Variants in KIR2DL3 observed in about 807,000 individuals in gnomAD.
KIR2DL3 encodes the protein killer cell immunoglobulin like receptor, two Ig domains and long cytoplasmic tail 3.
A neutral mutation model predicts 33.8 loss-of-function variants in KIR2DL3; 39 were observed. The observed-to-expected ratio is 1.15, with a 90% CI of 0.89 to 1.51. The LOEUF (loss-of-function observed/expected upper bound fraction) is 1.51, where lower values mean the gene tolerates loss of function less well. Among genes scored for constraint, KIR2DL3 ranks in the 40% most tolerant of loss-of-function variants. KIR2DL3 has a pLI of 0.00. For missense variants in KIR2DL3, 462 were observed against 426.2 expected, an observed-to-expected ratio of 1.08 and a Z score of -0.74; for synonymous variants, 174 against 160.2, an observed-to-expected ratio of 1.09 and a Z score of -0.65.
intron 1 of KIR2DL3, among the ~76,000 whole-genome samples, chr19:54,739,083 G>A (rs1462598079): frequency 6.7e-6 from 1 of 150,172 alleles, no homozygotes; most frequent in Non-Finnish European, 1.5e-5. Flanking sequence ...TCTGGGCCTG[G>A]AGTGGAGATA....
chr19:54,752,842 G>C lies in KIR2DL3; in HGVS notation c.*323G>C, dbSNP rs1383786269. 1 of 475,578 alleles carries C rather than the reference G, an allele frequency of 2.1e-6. No individual in the cohort carries two copies. The highest frequency in any genetic ancestry group is 2.0e-5 in the African/African-American group (1 of 49,138). The allele number at this position is 475,578 out of a possible 1,614,324, so 29.5% of individuals were successfully genotyped here. On this transcript the variant is annotated 3_prime_UTR_variant, in exon 8 of 8. Transcript: ENST00000342376. ...TGGCTTACTTCCTAGTCTACTTGAG[G>C]CTGCAATCACACTGAGGAACTCACA...
At position 54,738,748 on chromosome 19, in the gene KIR2DL3, G is replaced by T. The variant is rs192994413; in HGVS notation, c.34+169G>T. On this transcript the variant is annotated intron_variant, in intron 1 of 7. Transcript: ENST00000342376. ...ATCTGGGCCTGGAGTGGAGATATGG[G>T]CCTGGAGGTTGAGATATGGGCCTGC... 4.1e-3 allele frequency among the ~76,000 whole-genome samples: 621 copies of T among 151,554 alleles called. 6 individuals carry two copies. The highest frequency in any genetic ancestry group is 0.014 in the African/African-American group (571 of 41,248).
At chr19:54,743,252 G>T (rs1204759379) in intron 3 of KIR2DL3, among the ~76,000 whole-genome samples, 1 of 152,026 alleles carries the variant, frequency 6.6e-6, no homozygotes, top group Non-Finnish European at 1.5e-5. Flanking sequence ...AATACATAGA[G>T]ATGATGATGA....
intron 4 of KIR2DL3, among the ~76,000 whole-genome samples, chr19:54,746,207 G>A (rs1249459649): frequency 7.5e-6 from 1 of 133,914 alleles, no homozygotes. Context: ...TTTAGTATGT[G>A]GGGAAATTTC....
intron 5 of KIR2DL3, among the ~76,000 whole-genome samples, chr19:54,747,819 C>A (rs1262959491): frequency 6.9e-6 from 1 of 145,712 alleles, no homozygotes; most frequent in African/African-American, 2.6e-5. Flanking sequence ...AGCAGAGCAA[C>A]AGCCTTGCCG....
Position 54,752,274 on chromosome 19 carries a change from T to G in KIR2DL3, c.873+6T>G. 1 of 1,485,630 alleles carries G rather than the reference T, an allele frequency of 6.7e-7. No homozygotes were observed. The highest frequency in any genetic ancestry group is 1.2e-5 in the South Asian group (1 of 81,354). The allele number at this position is 1,485,630 out of a possible 1,614,324, so 92.0% of individuals were successfully genotyped here. ...ACAGAACAGTGAACAGGGAGGTAGG[T>G]GCTCCTCGGCCCAGCCTCGTGGCTA... On this transcript the variant is annotated splice_donor_region_variant and intron_variant, in intron 7 of 7. Transcript: ENST00000342376.
At chr19:54,739,855 T>C (rs922689213) in intron 2 of KIR2DL3, among the ~76,000 whole-genome samples, 1 of 152,202 alleles carries the variant, frequency 6.6e-6, no homozygotes, top group African/African-American at 2.4e-5. Context: ...GGGGCTGCAG[T>C]GTGGCTGCTG....
At chr19:54,751,822 T>C in intron 6 of KIR2DL3, 69 bp downstream of exon 6, 1 of 1,240,990 alleles carries the variant, frequency 8.1e-7, no homozygotes, top group Non-Finnish European at 1.1e-6. Flanking sequence ...AGCACTCAGG[T>C]GTGTGTTCCT....
At chr19:54,744,885 TATATATATATATA>T (rs2072039572) in intron 4 of KIR2DL3, among the ~76,000 whole-genome samples, 1 of 58,660 alleles carries the variant, frequency 1.7e-5, no homozygotes, top group Admixed American at 1.9e-4. Flanking sequence ...TATATATATA[TATATATATATATA>T]CACACACACA....
intron 1 of KIR2DL3, among the ~76,000 whole-genome samples, chr19:54,739,123 T>A (rs1301382569): frequency 1.3e-4 from 14 of 107,588 alleles, no homozygotes; most frequent in Admixed American, 8.5e-4. Context: ...TGGGCCTGGG[T>A]GTGGAGATAT....
At chr19:54,741,666 T>C (rs1365641611) in intron 2 of KIR2DL3, among the ~76,000 whole-genome samples, 3 of 151,808 alleles carry the variant, frequency 2.0e-5, no homozygotes, top group Non-Finnish European at 4.4e-5. Context: ...ATGTGCAGCC[T>C]ATCCTGGTTC....
rs1300078367 is a variant in KIR2DL3, at chr19:54,752,991, T to C, written c.*472T>C. The C allele has an allele frequency of 5.0e-4, 96 of 190,664 alleles. 9 individuals are homozygous for C. The Admixed American group carries it at 5.3e-3, about 11-fold the overall frequency. The allele number at this position is 190,664 out of a possible 1,614,324, so 11.8% of individuals were successfully genotyped here. ...AGCCTTCTGTCAGCAGTAAAACTTA[T>C]ATATTTTTTAAAATAATTTCAATGT... On this transcript the variant is annotated 3_prime_UTR_variant, in exon 8 of 8. Coordinates refer to ENST00000342376, the MANE Select transcript of KIR2DL3 (RefSeq NM_015868.3).
intron 4 of KIR2DL3, among the ~76,000 whole-genome samples, chr19:54,745,759 T>A (rs2072381677): frequency 6.6e-6 from 1 of 151,624 alleles, no homozygotes. Context: ...CTCCTTTCTC[T>A]ACCACTTTGG....
rs762871350 is a variant in KIR2DL3 at position 54,752,523 on chromosome 19, A to G, written c.*4A>G. On this transcript the variant is annotated 3_prime_UTR_variant, in exon 8 of 8. Coordinates refer to ENST00000342376, the MANE Select transcript of KIR2DL3 (RefSeq NM_015868.3). Reference sequence around the variant, plus strand: ...ACTTCCAAATGCTGAGCCCTGATCCAAAGTTGTCTCCTGCCCATGAGCACC... The same window carrying G: ...ACTTCCAAATGCTGAGCCCTGATCCGAAGTTGTCTCCTGCCCATGAGCACC... 1 of 1,463,336 alleles carries G rather than the reference A, an allele frequency of 6.8e-7. No individual in the cohort carries two copies. Among genetic ancestry groups the G allele is most frequent in the Non-Finnish European group, 9.3e-7 (1 of 1,076,246 alleles). The allele number at this position is 1,463,336 out of a possible 1,614,324, so 90.6% of individuals were successfully genotyped here.
intron 5 of KIR2DL3, among the ~76,000 whole-genome samples, chr19:54,749,951 A>G (rs1198090486): frequency 8.3e-6 from 1 of 120,090 alleles, no homozygotes; most frequent in East Asian, 2.1e-4. Context: ...CACGAATGAC[A>G]AAGGCACCTG....
rs753278338 is a variant in KIR2DL3 at position 54,752,469 on chromosome 19, C to A, written c.976C>A (p.Pro326Thr). 6 of 1,465,930 alleles carry A rather than the reference C, an allele frequency of 4.1e-6. 1 individual carries two copies. The highest frequency in any genetic ancestry group is 1.8e-5 in the Admixed American group (1 of 54,648). The allele number at this position is 1,465,930 out of a possible 1,614,324, so 90.8% of individuals were successfully genotyped here. ...TCGCCCTTCTCAGAGGCCCAAGACA[C>A]CCCCAACAGATATCATCGTGTACAC... ...ITRPSQRPKTPPTDIIVYTEL... is the reference protein window; with the variant it reads ...ITRPSQRPKTTPTDIIVYTEL... The change falls in exon 8 of 8, where the codon CCC becomes ACC. Residue 326 changes from proline to threonine, a missense_variant. Physicochemically the swap from Pro to Thr is conservative, Grantham distance 38. Coordinates refer to ENST00000342376, the MANE Select transcript of KIR2DL3 (RefSeq NM_015868.3).
intron 3 of KIR2DL3, 135 bp from the exon 4 acceptor site, chr19:54,743,660 G>T: frequency 1.0e-6 from 1 of 986,010 alleles, no homozygotes; most frequent in Admixed American, 2.9e-5. Flanking sequence ...GACATGAAGA[G>T]AGATGGGGTG....
At chr19:54,741,542 C>T (rs551768616) in intron 2 of KIR2DL3, among the ~76,000 whole-genome samples, 8 of 152,068 alleles carry the variant, frequency 5.3e-5, no homozygotes, top group African/African-American at 1.7e-4. Context: ...CTCCCAGTCC[C>T]CACCAGGAAC....
rs574386062 is a variant in KIR2DL3 at position 54,751,391 on chromosome 19, C to T, written c.716-258C>T. ...AACACCTCTCAAGAGGCCCAACCTC[C>T]CACAGTGGGGGTGAAATTTCAATGT... is the stretch of plus-strand genomic sequence containing the variant. On this transcript the variant is annotated intron_variant, in intron 5 of 7. Coordinates refer to ENST00000342376, the MANE Select transcript of KIR2DL3 (RefSeq NM_015868.3). Among the ~76,000 whole-genome samples, 518 of 132,546 alleles carry T rather than the reference C, an allele frequency of 3.9e-3. 92 individuals carry two copies. Among genetic ancestry groups the T allele is most frequent in the Non-Finnish European group, 5.1e-3 (312 of 60,672 alleles). The allele number at this position is 132,546 out of a possible 152,430, so 87.0% of individuals were successfully genotyped here.
Sources: gnomAD v4.1 joint callset for allele counts (sites outside exome capture counted in the v4.1 genomes callset) on GRCh38, gnomAD v4.1.1 for gene constraint, MANE v1.5 for transcripts, NCBI Gene and HGNC (gene_info 2026-07-23, HGNC 2026-07-21) for gene names.